The following CFAP20DC variants were observed in gnomAD, a reference collection of about 807,000 sequenced individuals.
The protein encoded by CFAP20DC is protein CFAP20DC.
CFAP20DC carries 84 observed loss-of-function variants against 101.7 expected under a neutral mutation model. That is an observed-to-expected ratio of 0.83 (90% CI 0.69 to 0.99). The LOEUF (loss-of-function observed/expected upper bound fraction) is 0.99, where lower values mean the gene tolerates loss of function less well. Among genes scored for constraint, CFAP20DC ranks in the 50% least tolerant of loss-of-function variants. The pLI, the probability that CFAP20DC is intolerant of heterozygous loss-of-function variation, is 0.00. For missense variants in CFAP20DC, 1,007 were observed against 970.3 expected (o/e 1.04, Z -0.50); for synonymous variants, 359 against 351.2 (o/e 1.02, Z -0.25).
chr3:58,884,462 CA>C, intron 7 of CFAP20DC, 82 bp downstream of exon 7: 1 of 1,283,766 alleles, frequency 7.8e-7, no homozygotes, highest in Non-Finnish European at 1.1e-6. Context: ...GAATGAGGTA[CA>C]GTGCCCTTTT....
In CFAP20DC at chr3:58,971,565, G is replaced by C. The variant is rs1441753500; in HGVS notation, c.279-33803C>G. Among the ~76,000 whole-genome samples the C allele has an allele frequency of 1.3e-5, 2 of 151,876 alleles. No individual in the cohort carries two copies. Among genetic ancestry groups the C allele is most frequent in the Non-Finnish European group, 2.9e-5 (2 of 67,988 alleles). ...AAATCTCACACATATTTAAATAGAG[G>C]ACATTTCACAGGTACACAAAGATAC... On this transcript the variant is annotated intron_variant, in intron 4 of 16. Transcript: ENST00000482387. The surrounding 1 kb of genome is among the most constrained non-coding windows in gnomAD (Gnocchi z 4.1).
intron 15 of CFAP20DC, among the ~76,000 whole-genome samples, chr3:58,804,013 A>G (rs1174660632): frequency 6.6e-6 from 1 of 152,200 alleles, no homozygotes; most frequent in Admixed American, 6.5e-5. Context: ...TATCTAGCCA[A>G]TATTTATGAA....
intron 15 of CFAP20DC, among the ~76,000 whole-genome samples, chr3:58,798,291 A>T (rs1185515617): frequency 1.3e-5 from 2 of 152,222 alleles, no homozygotes; most frequent in Non-Finnish European, 1.5e-5. Flanking sequence ...AAATATCAAC[A>T]TGACCAGAAG....
At chr3:59,035,212 T>C (rs1293896376) in intron 4 of CFAP20DC, among the ~76,000 whole-genome samples, 1 of 152,190 alleles carries the variant, frequency 6.6e-6, no homozygotes, top group Non-Finnish European at 1.5e-5. Context: ...AGTAAATTTA[T>C]AGCACTAAAT....
rs75517117 is a variant in CFAP20DC at position 58,793,284 on chromosome 3, C to T, written c.2237+13111G>A. Among the ~76,000 whole-genome samples the T allele has an allele frequency of 8.7e-3, 1,321 of 152,224 alleles. 22 individuals are homozygous for T. The highest frequency in any genetic ancestry group is 0.03 in the African/African-American group (1,257 of 41,546). ...AATCCGTCAAAGTGACAGATTCATT[C>T]CTTTCCTAATACATAATATCTTCAT... On this transcript the variant is annotated intron_variant, in intron 15 of 16. Coordinates refer to ENST00000482387, the MANE Select transcript of CFAP20DC (RefSeq NM_001394063.1).
At chr3:58,888,795 T>C (rs762433333) in intron 6 of CFAP20DC, among the ~76,000 whole-genome samples, 1 of 152,218 alleles carries the variant, frequency 6.6e-6, no homozygotes, top group Non-Finnish European at 1.5e-5. Flanking sequence ...TGTATCCTTA[T>C]AGTAGAATTA....
chr3:58,819,339 C>T lies in CFAP20DC; in HGVS notation c.2175+12347G>A, dbSNP rs182323031. On this transcript the variant is annotated intron_variant, in intron 14 of 16. Coordinates refer to ENST00000482387, the MANE Select transcript of CFAP20DC (RefSeq NM_001394063.1). ...AGACACAAAAAACCCTTCAAAAAAT[C>T]AATGAATCCAGGAGCTGGTTTTTTG... Among the ~76,000 whole-genome samples, 1,277 of 152,034 alleles carry T rather than the reference C, an allele frequency of 8.4e-3. 12 individuals carry two copies. Among genetic ancestry groups the T allele is most frequent in the African/African-American group, 0.027 (1,112 of 41,432 alleles).
intron 4 of CFAP20DC, among the ~76,000 whole-genome samples, chr3:58,999,542 A>G (rs2093246257): frequency 6.6e-6 from 1 of 152,146 alleles, no homozygotes; most frequent in African/African-American, 2.4e-5. Flanking sequence ...TAATACCATA[A>G]TGATGGTATC....
chr3:58,732,681 C>T lies in CFAP20DC; in HGVS notation c.198-15053G>A, dbSNP rs1391305611. On this transcript the variant is annotated intron_variant, in intron 3 of 3. Coordinates refer to the CFAP20DC transcript ENST00000486145. The surrounding 1 kb of genome is among the most constrained non-coding windows in gnomAD (Gnocchi z 5.4). ...CTCACTCTAATGGGTTTATAACACC[C>T]AACGTGGCACGAAAGCCGTGGCAAA... Among the ~76,000 whole-genome samples, 1 of 152,132 alleles carries T rather than the reference C, an allele frequency of 6.6e-6. No homozygotes were observed. Among genetic ancestry groups the T allele is most frequent in the African/African-American group, 2.4e-5 (1 of 41,422 alleles).
chr3:58,808,494 C>T (rs1353614767), intron 14 of CFAP20DC, among the ~76,000 whole-genome samples: 3 of 152,192 alleles, frequency 2.0e-5, no homozygotes, highest in African/African-American at 7.2e-5. Context: ...AAATAAAATC[C>T]TTTACAGACA....
chr3:58,953,914 T>C (rs191497483), intron 4 of CFAP20DC: 4 of 152,270 alleles, frequency 2.6e-5, no homozygotes, highest in East Asian at 3.9e-4. Flanking sequence ...AGTTAATACA[T>C]TGTTACATAC....
intron 4 of CFAP20DC, among the ~76,000 whole-genome samples, chr3:58,945,167 A>G (rs2089177147): frequency 6.6e-6 from 1 of 152,198 alleles, no homozygotes; most frequent in Non-Finnish European, 1.5e-5. Context: ...AAGGCTAGGT[A>G]TCTCTCCCCA....
At position 58,933,759 on chromosome 3, in the gene CFAP20DC, A is replaced by ATG. The variant is rs879456108; in HGVS notation, c.393+3888_393+3889insCA. ...GACACAACATACCAGAATCTCTGGG[A>ATG]CACGTTCAAAGCAGTGTGTAGAGGG... On this transcript the variant is annotated intron_variant, in intron 5 of 16. Transcript: ENST00000482387. 9.3e-4 allele frequency among the ~76,000 whole-genome samples: 141 copies of ATG among 151,876 alleles called. 1 individual carries two copies. Among genetic ancestry groups the ATG allele is most frequent in the Non-Finnish European group, 1.7e-3 (115 of 67,896 alleles).
At chr3:58,774,297 G>A (rs1254527250) in intron 15 of CFAP20DC, among the ~76,000 whole-genome samples, 2 of 152,148 alleles carry the variant, frequency 1.3e-5, no homozygotes. Flanking sequence ...GTGTGACATT[G>A]TAGTGCCACT....
At chr3:58,748,805 C>A (rs2068374734) in intron 16 of CFAP20DC, among the ~76,000 whole-genome samples, 1 of 152,174 alleles carries the variant, frequency 6.6e-6, no homozygotes. Flanking sequence ...ATTCTGTGGT[C>A]ACACTACAGT....
intron 12 of CFAP20DC, among the ~76,000 whole-genome samples, chr3:58,854,311 A>C (rs1288731644): frequency 1.3e-5 from 2 of 151,506 alleles, no homozygotes; most frequent in African/African-American, 4.9e-5. Flanking sequence ...GAGAACTACA[A>C]ACCACTGCTC....
At chr3:58,866,873 G>C (rs1232344575) in intron 10 of CFAP20DC, among the ~76,000 whole-genome samples, 185 bp from the exon 11 acceptor site, 1 of 151,294 alleles carries the variant, frequency 6.6e-6, no homozygotes, top group African/African-American at 2.4e-5. Context: ...TTTTTATAGA[G>C]GTTCACCTTA....
In CFAP20DC at chr3:58,937,685, T is replaced by G. The variant is rs758919936; in HGVS notation, c.356A>C (p.His119Pro). 1.1e-5 allele frequency: 18 copies of G among 1,612,272 alleles called. No homozygotes were observed. The South Asian group carries it at 2.0e-4, about 18-fold the overall frequency. The change falls in exon 5 of 17, where the codon CAT (histidine) becomes CCT (proline). Residue 119 changes from histidine to proline, a missense_variant. By Grantham distance (77) the His-to-Pro change is moderately conservative. Coordinates refer to ENST00000482387, the MANE Select transcript of CFAP20DC (RefSeq NM_001394063.1). ...GATCATGAAGAGTGGAATTTTTGCA[T>G]GAAGAGGGGTGGAGGATAGTTCCTT... Reference protein sequence around the residue: ...VHKELSSTPLHAKIPLFMIKR... With the variant: ...VHKELSSTPLPAKIPLFMIKR...
At chr3:58,936,660 A>T (rs909924687) in intron 5 of CFAP20DC, among the ~76,000 whole-genome samples, 32 of 152,178 alleles carry the variant, frequency 2.1e-4, no homozygotes, top group Non-Finnish European at 2.2e-4. Flanking sequence ...CATTCTCAGT[A>T]AACTATCGCA....
Sources: allele counts gnomAD v4.1 joint callset (sites outside exome capture counted in the v4.1 genomes callset), GRCh38; gene constraint gnomAD v4.1.1; non-coding constraint Gnocchi (gnomAD v3.1); transcripts MANE v1.5; gene names NCBI Gene and HGNC (gene_info 2026-07-23, HGNC 2026-07-21).